The following SLC17A1 variants were observed in gnomAD, a reference collection of about 807,000 sequenced individuals.
The protein encoded by SLC17A1 is solute carrier family 17 member 1.
Under a neutral mutation model 53.5 loss-of-function variants are expected in SLC17A1, and 51 were observed. That is an observed-to-expected ratio of 0.95 (90% CI 0.76 to 1.20). The LOEUF (loss-of-function observed/expected upper bound fraction) is 1.20. Among genes scored for constraint, SLC17A1 ranks in the 50% most tolerant of loss-of-function variants. SLC17A1 has a pLI of 0.00. For missense variants in SLC17A1, 538 were observed against 568.2 expected (o/e 0.95, Z 0.54); for synonymous variants, 179 against 198.8 (o/e 0.90, Z 0.84).
At chr6:25,780,939 A>C (rs982149302), downstream of SLC17A1, 1 of 152,180 alleles carries the variant, frequency 6.6e-6, no homozygotes, top group African/African-American at 2.4e-5. Flanking sequence ...ACAGCAACAC[A>C]GATAGCAATT....
At chr6:25,738,674 T>G in the SLC17A1 span, among the ~76,000 whole-genome samples, 1 of 152,104 alleles carries the variant, frequency 6.6e-6, no homozygotes, top group Non-Finnish European at 1.5e-5. Context: ...TAAAGAATTC[T>G]CAAATCTCAA....
At chr6:25,807,375 A>G (rs2817188) in intron 10 of SLC17A1, among the ~76,000 whole-genome samples, 100,575 of 151,990 alleles carry the variant, frequency 0.66, 35,014 homozygotes, top group African/African-American at 0.87. Context: ...AGGAAATAAC[A>G]TCTTTTGCAG....
the SLC17A1 span, chr6:25,761,880 C>A: frequency 9.0e-7 from 1 of 1,111,902 alleles, no homozygotes; most frequent in South Asian, 1.4e-5. Flanking sequence ...GGGGTAATAT[C>A]ATATAAGATT....
At chr6:25,796,095 A>G (rs567628703) in intron 12 of SLC17A1, among the ~76,000 whole-genome samples, 18 of 152,282 alleles carry the variant, frequency 1.2e-4, no homozygotes, top group African/African-American at 4.1e-4. Flanking sequence ...TGTGCCTTGG[A>G]AATAGAGGAT....
chr6:25,809,670 G>A (rs545679976), intron 10 of SLC17A1, among the ~76,000 whole-genome samples: 4 of 145,520 alleles, frequency 2.7e-5, no homozygotes, highest in South Asian at 2.1e-4. Context: ...AAGAATTAAT[G>A]TTGTTAAAAT....
intron 12 of SLC17A1, among the ~76,000 whole-genome samples, chr6:25,784,601 C>A (rs974149524): frequency 5.9e-5 from 9 of 152,136 alleles, no homozygotes; most frequent in African/African-American, 2.2e-4. Context: ...CCCCCATGAC[C>A]TAAACACCTC....
chr6:25,779,658 A>G (rs1763207237), downstream of SLC17A1: 1 of 154,796 alleles, frequency 6.5e-6, no homozygotes, highest in African/African-American at 2.4e-5. Flanking sequence ...CATCATGATA[A>G]GAGGAATGAA....
intron 6 of SLC17A1, among the ~76,000 whole-genome samples, chr6:25,818,207 C>G (rs1764427469): frequency 6.6e-6 from 1 of 152,088 alleles, no homozygotes; most frequent in Admixed American, 6.6e-5. Flanking sequence ...CTTTTCAAAC[C>G]CTGGTTAGCT....
At chr6:25,805,217 T>C (rs955620511) in intron 10 of SLC17A1, among the ~76,000 whole-genome samples, 3 of 152,064 alleles carry the variant, frequency 2.0e-5, no homozygotes, top group Non-Finnish European at 4.4e-5. Flanking sequence ...CAGACCACAA[T>C]GGAATAAAAC....
the SLC17A1 span, among the ~76,000 whole-genome samples, chr6:25,731,055 A>G: frequency 3.3e-5 from 5 of 152,274 alleles, no homozygotes; most frequent in African/African-American, 1.2e-4. Context: ...GTTCAGGAAC[A>G]GTTCTGTTGG....
intron 6 of SLC17A1, among the ~76,000 whole-genome samples, chr6:25,818,693 A>C (rs1239278429): frequency 6.6e-6 from 1 of 152,192 alleles, no homozygotes; most frequent in Non-Finnish European, 1.5e-5. Flanking sequence ...TGTAGAAATT[A>C]ATGTGTTTGA....
intron 3 of SLC17A1, 113 bp from the exon 4 acceptor site, chr6:25,820,028 T>C: frequency 1.5e-6 from 1 of 649,776 alleles, no homozygotes; most frequent in Non-Finnish European, 2.7e-6. Flanking sequence ...AGCTCCCCTC[T>C]TACTAGTATT....
intron 10 of SLC17A1, among the ~76,000 whole-genome samples, chr6:25,807,023 A>T (rs753226900): frequency 2.6e-5 from 4 of 152,168 alleles, no homozygotes; most frequent in Non-Finnish European, 4.4e-5. Context: ...AAGTTAAAAA[A>T]CAATAGACAT....
the SLC17A1 span, among the ~76,000 whole-genome samples, chr6:25,737,192 T>C: frequency 6.6e-6 from 1 of 152,226 alleles, no homozygotes. Context: ...TTGCAACTTC[T>C]CCAATTACTC....
the SLC17A1 span, chr6:25,726,585 C>G: frequency 4.5e-6 from 7 of 1,549,818 alleles, no homozygotes; most frequent in Non-Finnish European, 6.1e-6. Flanking sequence ...GCTACTGGGC[C>G]TATTTATAGT....
At chr6:25,745,366 A>G in the SLC17A1 span, among the ~76,000 whole-genome samples, 1 of 152,166 alleles carries the variant, frequency 6.6e-6, no homozygotes. Context: ...TTGTGTATGT[A>G]TATGTACGTA....
chr6:25,770,597 C>T, the SLC17A1 span: 3 of 820,516 alleles, frequency 3.7e-6, no homozygotes, highest in Non-Finnish European at 6.2e-6. Context: ...TAAAGCACTA[C>T]CCCATACTGC....
chr6:25,776,850 T>C, the SLC17A1 span: 5 of 1,614,032 alleles, frequency 3.1e-6, no homozygotes, highest in Non-Finnish European at 4.2e-6. Flanking sequence ...GTCCCTGCCC[T>C]GGGTCAGATC....
In SLC17A1 at chr6:25,798,796, TG is replaced by T; in HGVS notation, c.1392del (p.His464GlnfsTer7). The T allele has an allele frequency of 6.2e-7, 1 of 1,608,540 alleles. No homozygotes were observed. Among genetic ancestry groups the T allele is most frequent in the Non-Finnish European group, 8.5e-7 (1 of 1,176,402 alleles). On this transcript the variant is annotated frameshift_variant, in exon 12 of 13. Coordinates refer to ENST00000244527, the MANE Select transcript of SLC17A1 (RefSeq NM_005074.5). LOFTEE classifies it high-confidence loss of function. ...EIQDWAKEKQ[H>X]TRL The stretch of plus-strand genomic sequence containing the variant: ...ATCACTTCTCACCTTCAGAGACGTG[TG>T]TGTTGTTTTTCTTTAGCCCAGTCCT...
Sources: gnomAD v4.1 joint callset for allele counts (sites outside exome capture counted in the v4.1 genomes callset) on GRCh38, gnomAD v4.1.1 for gene constraint, MANE v1.5 for transcripts, NCBI Gene and HGNC (gene_info 2026-07-23, HGNC 2026-07-21) for gene names.